Variants in DENND4C observed in about 807,000 individuals in gnomAD.
The protein encoded by DENND4C is DENN domain containing 4C, also known as DENN domain-containing protein 4C.
DENND4C carries 108 observed loss-of-function variants against 203.0 expected under a neutral mutation model. The ratio of observed to expected loss-of-function variants is 0.53; its 90% CI spans 0.46 to 0.62. DENND4C has a LOEUF of 0.62. Among genes scored for constraint, DENND4C ranks in the 20% least tolerant of loss-of-function variants. The pLI is 0.00. For missense variants in DENND4C, 2,481 were observed against 2,301.2 expected (o/e 1.08, Z -1.60); for synonymous variants, 871 against 792.4 (o/e 1.10, Z -1.67).
chr9:19,230,741 C>A lies in DENND4C; in HGVS notation c.-110C>A, dbSNP rs10481512. 1 of 152,154 alleles carries A rather than the reference C, an allele frequency of 6.6e-6. No individual in the cohort carries two copies. Among genetic ancestry groups the A allele is most frequent in the African/African-American group, 2.4e-5 (1 of 41,402 alleles). 9.4% of individuals were successfully genotyped at this position (152,154 alleles called of 1,614,324 possible). ...CCGCTGGAGCTAGTCCCCCGCCCTG[C>A]CCTGCCGAGCGCGCCCAGTCCGCGA... On this transcript the variant is annotated 5_prime_UTR_variant, in exon 1 of 33. Coordinates refer to ENST00000434457, the MANE Select transcript of DENND4C (RefSeq NM_001330640.2).
chr9:19,308,101 T>C (rs1349817447), intron 10 of DENND4C, among the ~76,000 whole-genome samples: 3 of 152,190 alleles, frequency 2.0e-5, no homozygotes, highest in Non-Finnish European at 4.4e-5. Flanking sequence ...TCAATGTTGA[T>C]GGACATCTAG....
rs576528434 is a variant in DENND4C, at chr9:19,251,558, A to G, written c.-18+20725A>G. Among the ~76,000 whole-genome samples, 35 of 152,238 alleles carry G rather than the reference A, an allele frequency of 2.3e-4. 1 individual carries two copies. In the South Asian group the frequency reaches 3.7e-3, roughly 16 times the overall value. ...CTCAGAAAATGGGATTTTCTTTTCT[A>G]TTGCATTGTCAGGATGCAAATTTTC... On this transcript the variant is annotated intron_variant, in intron 1 of 32. Transcript: ENST00000434457.
chr9:19,243,833 ACGAAGTCTAGCTCTGTCAC>A (rs1824391848), intron 1 of DENND4C, among the ~76,000 whole-genome samples: 1 of 152,064 alleles, frequency 6.6e-6, no homozygotes, highest in Non-Finnish European at 1.5e-5. Flanking sequence ...TGTTTTTGAG[ACGAAGTCTAGCTCTGTCAC>A]CCAGACTGGA....
chr9:19,269,725 A>G (rs756574693), intron 1 of DENND4C, among the ~76,000 whole-genome samples: 3 of 152,184 alleles, frequency 2.0e-5, no homozygotes, highest in Non-Finnish European at 4.4e-5. Context: ...GAAAGGTCAC[A>G]CATGTCTGTC....
intron 23 of DENND4C, among the ~76,000 whole-genome samples, chr9:19,348,589 G>A (rs1823415662): frequency 1.3e-5 from 2 of 152,034 alleles, no homozygotes; most frequent in South Asian, 4.1e-4. Flanking sequence ...TGGAATTAGA[G>A]ACGTGGGAAA....
chr9:19,332,765 A>ATTTT (rs35052178), intron 17 of DENND4C, among the ~76,000 whole-genome samples: 37 of 110,456 alleles, frequency 3.3e-4, no homozygotes, highest in Admixed American at 5.7e-4. Context: ...TCTGTTTTTG[A>ATTTT]TTTTTTTTTT....
At chr9:19,362,340 G>A (rs774843766) in intron 30 of DENND4C, among the ~76,000 whole-genome samples, 50 of 151,938 alleles carry the variant, frequency 3.3e-4, no homozygotes, top group Non-Finnish European at 6.0e-4. Flanking sequence ...ACTCAAATAC[G>A]CATCCATAGG....
chr9:19,336,720 C>T lies in DENND4C; in HGVS notation c.2769C>T (p.Asp923=), dbSNP rs907044041. The change falls in exon 20 of 33, where the codon GAC becomes GAT. Residue 923 remains aspartate, a synonymous_variant. Transcript: ENST00000434457. ...ATGTCACAGGTGGAAGTGATGGGGA[C>T]ACGGTGAGCCACGGTAGTGTGGATA... ...LQNVTGGSDG[D]TVSHGSVDSS... is the part of the protein sequence containing the mutation. The T allele has an allele frequency of 1.5e-5, 24 of 1,551,050 alleles. No individual in the cohort carries two copies. The highest frequency in any genetic ancestry group is 2.0e-5 in the Non-Finnish European group (23 of 1,147,092).
At chr9:19,331,876 G>C in intron 16 of DENND4C, 102 bp from the exon 17 acceptor site, 2 of 1,078,348 alleles carry the variant, frequency 1.9e-6, no homozygotes, top group African/African-American at 1.6e-5. Context: ...TGATTTTAGG[G>C]GGTCAAGTTT....
At chr9:19,239,492 T>C (rs1347503648) in intron 1 of DENND4C, among the ~76,000 whole-genome samples, 1 of 151,340 alleles carries the variant, frequency 6.6e-6, no homozygotes, top group Non-Finnish European at 1.5e-5. Context: ...TAAGATGGAG[T>C]CTCGCTGTGT....
chr9:19,330,642 G>A (rs7847438), intron 16 of DENND4C, among the ~76,000 whole-genome samples: 1 of 151,234 alleles, frequency 6.6e-6, no homozygotes, highest in African/African-American at 2.4e-5. Context: ...CCAGCCCCAA[G>A]ATTTTTTTAT....
At chr9:19,357,901 A>G in intron 27 of DENND4C, 64 bp from the exon 28 acceptor site, 14 of 1,293,838 alleles carry the variant, frequency 1.1e-5, no homozygotes, top group Non-Finnish European at 1.5e-5. Flanking sequence ...AAAATACTCT[A>G]GCTCTACAGA....
intron 12 of DENND4C, among the ~76,000 whole-genome samples, chr9:19,323,229 C>T (rs1426700713): frequency 6.6e-6 from 1 of 152,110 alleles, no homozygotes; most frequent in African/African-American, 2.4e-5. Context: ...GAGGTCCGTT[C>T]AAGACCAGCC....
chr9:19,281,938 G>A (rs912758405), intron 2 of DENND4C, among the ~76,000 whole-genome samples: 1 of 152,184 alleles, frequency 6.6e-6, no homozygotes, highest in Non-Finnish European at 1.5e-5. Context: ...AGTCACACCT[G>A]TATAGGGCAC....
At chr9:19,275,495 G>A (rs1413908519) in intron 1 of DENND4C, among the ~76,000 whole-genome samples, 2 of 151,744 alleles carry the variant, frequency 1.3e-5, no homozygotes, top group Non-Finnish European at 2.9e-5. Context: ...TTTTGAGATG[G>A]AGTTTCTCTC....
At chr9:19,233,442 A>T (rs771918847) in intron 1 of DENND4C, among the ~76,000 whole-genome samples, 3 of 152,210 alleles carry the variant, frequency 2.0e-5, no homozygotes, top group Non-Finnish European at 4.4e-5. Flanking sequence ...AAAATTAGGC[A>T]GTTTTATTAT....
intron 5 of DENND4C, among the ~76,000 whole-genome samples, chr9:19,294,646 A>G (rs1837053338): frequency 6.6e-6 from 1 of 152,342 alleles, no homozygotes; most frequent in Admixed American, 6.5e-5. Flanking sequence ...AACGTGCATC[A>G]ACGTATGAAT....
intron 1 of DENND4C, among the ~76,000 whole-genome samples, chr9:19,273,443 G>C (rs944674578): frequency 6.6e-6 from 1 of 151,904 alleles, no homozygotes; most frequent in Non-Finnish European, 1.5e-5. Context: ...TTAATAAATT[G>C]GAGTTCATCA....
intron 29 of DENND4C, among the ~76,000 whole-genome samples, chr9:19,360,768 A>G (rs1208346837): frequency 6.6e-6 from 1 of 152,174 alleles, no homozygotes; most frequent in African/African-American, 2.4e-5. Context: ...TCCAGCAGTT[A>G]GGAGAAAAAT....
Sources: allele counts gnomAD v4.1 joint callset (sites outside exome capture counted in the v4.1 genomes callset), GRCh38; gene constraint gnomAD v4.1.1; transcripts MANE v1.5; gene names NCBI Gene and HGNC (gene_info 2026-07-23, HGNC 2026-07-21).